The following AIG1 variants were observed in gnomAD, a reference collection of about 807,000 sequenced individuals.
AIG1 encodes the protein androgen induced 1.
Under a neutral mutation model 31.4 loss-of-function variants are expected in AIG1, and 23 were observed. That is an observed-to-expected ratio of 0.73 (90% CI 0.53 to 1.04). AIG1 has a LOEUF of 1.04. Among genes scored for constraint, AIG1 ranks in the 50% least tolerant of loss-of-function variants. The pLI is 0.00. For missense variants in AIG1, 274 were observed against 295.0 expected (o/e 0.93, Z 0.52); for synonymous variants, 100 against 110.5 (o/e 0.90, Z 0.60).
intron 3 of AIG1, among the ~76,000 whole-genome samples, chr6:143,221,272 C>A (rs960637424): frequency 1.3e-5 from 2 of 152,140 alleles, no homozygotes; most frequent in African/African-American, 4.8e-5. Flanking sequence ...TATATCCAGT[C>A]CCCCCTCCAA....
chr6:143,151,137 T>C (rs1320977961), intron 2 of AIG1, among the ~76,000 whole-genome samples: 2 of 152,168 alleles, frequency 1.3e-5, no homozygotes, highest in East Asian at 1.9e-4. Flanking sequence ...TAGATCATCA[T>C]AGGAAAATTT....
chr6:143,266,181 CT>C (rs771985252), intron 3 of AIG1, among the ~76,000 whole-genome samples: 3 of 152,024 alleles, frequency 2.0e-5, no homozygotes, highest in Non-Finnish European at 2.9e-5. Context: ...AACCCCATCT[CT>C]ACTAAAATAC....
chr6:143,343,109 C>T (rs1251600933), downstream of AIG1: 35 of 769,904 alleles, frequency 4.5e-5, no homozygotes, highest in Non-Finnish European at 8.5e-5. Context: ...GCTGTCCGCA[C>T]TAAGATCCCA....
intron 3 of AIG1, among the ~76,000 whole-genome samples, chr6:143,257,926 A>C (rs1165400937): frequency 1.3e-5 from 2 of 152,072 alleles, no homozygotes; most frequent in Non-Finnish European, 2.9e-5. Context: ...AAAGTTTGTC[A>C]CTTCCTGCCA....
chr6:143,230,197 C>T (rs1793340181), intron 3 of AIG1, among the ~76,000 whole-genome samples: 2 of 151,986 alleles, frequency 1.3e-5, no homozygotes, highest in Non-Finnish European at 1.5e-5. Flanking sequence ...TATGATATTG[C>T]TATTGATACA....
At position 143,327,795 on chromosome 6, in the gene AIG1, A is replaced by T. The variant is rs1439374845; in HGVS notation, c.516-5487A>T. 1 of 173,360 alleles carries T rather than the reference A, an allele frequency of 5.8e-6. No homozygotes were observed. 10.7% of individuals were successfully genotyped at this position (173,360 alleles called of 1,614,324 possible). A position where few individuals can be genotyped will look rare whatever the true frequency, so the allele number is the denominator to read the frequency against. On this transcript the variant is annotated intron_variant, in intron 4 of 5. Transcript: ENST00000357847. This position sits in a 1 kb window ranked among gnomAD's most constrained non-coding sequence, Gnocchi z 5.3. ...TTTGAGTTACAAAACTGAATGAATG[A>T]TAGTACTATTTGCAGAAATAAGAAA...
At chr6:143,180,414 C>T (rs1383910067) in intron 3 of AIG1, among the ~76,000 whole-genome samples, 1 of 152,196 alleles carries the variant, frequency 6.6e-6, no homozygotes, top group African/African-American at 2.4e-5. Flanking sequence ...CAAGGAGAAG[C>T]ACTGTCGTTA....
chr6:143,200,853 A>G (rs1247272959), intron 3 of AIG1, among the ~76,000 whole-genome samples: 1 of 151,362 alleles, frequency 6.6e-6, no homozygotes, highest in South Asian at 2.1e-4. Context: ...ATTTCTTCCT[A>G]CTCCACAGTT....
chr6:143,072,256 T>A (rs1777359053), intron 1 of AIG1, among the ~76,000 whole-genome samples: 1 of 152,216 alleles, frequency 6.6e-6, no homozygotes, highest in South Asian at 2.1e-4. Context: ...ATTTAATGTG[T>A]ATATTTTGAC....
At chr6:143,078,332 A>C (rs1209558649) in intron 1 of AIG1, among the ~76,000 whole-genome samples, 1 of 152,218 alleles carries the variant, frequency 6.6e-6, no homozygotes, top group African/African-American at 2.4e-5. Flanking sequence ...TCCTTGCCTG[A>C]TAATTCCACC....
rs184492767 is a variant in AIG1, at chr6:143,166,998, T to C, written c.399+1815T>C. ...TTACATTGTATAGCTTTTATAACAG[T>C]AAGTTAACAAAATGTAAGAGGAACA... On this transcript the variant is annotated intron_variant, in intron 3 of 5. Transcript: ENST00000357847. Among the ~76,000 whole-genome samples, 119 of 152,326 alleles carry C rather than the reference T, an allele frequency of 7.8e-4. 1 individual carries two copies. Among genetic ancestry groups the C allele is most frequent in the African/African-American group, 2.8e-3 (115 of 41,574 alleles).
At chr6:143,064,690 C>T (rs141401450) in intron 1 of AIG1, among the ~76,000 whole-genome samples, 1 of 152,290 alleles carries the variant, frequency 6.6e-6, no homozygotes, top group East Asian at 1.9e-4. Flanking sequence ...TAGTAGATAA[C>T]TGGTTAATTT....
At chr6:143,063,385 A>C (rs1479656880) in intron 1 of AIG1, among the ~76,000 whole-genome samples, 1 of 152,220 alleles carries the variant, frequency 6.6e-6, no homozygotes, top group Admixed American at 6.5e-5. Flanking sequence ...ATTGAAACAT[A>C]ATAATTATCT....
chr6:143,280,918 G>T lies in AIG1; in HGVS notation c.400-3192G>T, dbSNP rs964035563. Among the ~76,000 whole-genome samples the T allele has an allele frequency of 1.3e-5, 2 of 152,074 alleles. No homozygotes were observed. Among genetic ancestry groups the T allele is most frequent in the South Asian group, 2.1e-4 (1 of 4,824 alleles). On this transcript the variant is annotated intron_variant, in intron 3 of 5. Transcript: ENST00000357847. The surrounding 1 kb of genome is among the most constrained non-coding windows in gnomAD (Gnocchi z 4.1). ...TGACTTTATGCTAGCTAATGTTATT[G>T]TTTATTATTATTGATTGGATAATAT...
At chr6:143,308,522 CTT>C (rs1252951161) in intron 4 of AIG1, among the ~76,000 whole-genome samples, 4 of 152,172 alleles carry the variant, frequency 2.6e-5, no homozygotes, top group African/African-American at 9.7e-5. Context: ...CGTCACTTCT[CTT>C]TGATTGTGAA....
intron 3 of AIG1, among the ~76,000 whole-genome samples, chr6:143,184,913 C>T (rs1017974581): frequency 6.6e-6 from 1 of 152,068 alleles, no homozygotes; most frequent in Admixed American, 6.5e-5. Flanking sequence ...AATATTCAAT[C>T]TCGGCTGAGT....
At chr6:143,222,327 A>T (rs1006583529) in intron 3 of AIG1, among the ~76,000 whole-genome samples, 3 of 152,150 alleles carry the variant, frequency 2.0e-5, no homozygotes, top group Non-Finnish European at 4.4e-5. Flanking sequence ...AGCCATCAGT[A>T]ACTAATGGGG....
At chr6:143,200,242 A>G (rs1288286282) in intron 3 of AIG1, among the ~76,000 whole-genome samples, 4 of 152,214 alleles carry the variant, frequency 2.6e-5, no homozygotes, top group African/African-American at 4.8e-5. Flanking sequence ...CTGTAGGTAG[A>G]GTATGAGTTT....
chr6:143,075,366 G>A (rs1462346481), intron 1 of AIG1, among the ~76,000 whole-genome samples: 1 of 152,030 alleles, frequency 6.6e-6, no homozygotes, highest in East Asian at 1.9e-4. Flanking sequence ...CACCCAGGCT[G>A]GAGTGCAGCT....
Sources: gnomAD v4.1 joint callset for allele counts (sites outside exome capture counted in the v4.1 genomes callset) on GRCh38, gnomAD v4.1.1 for gene constraint, Gnocchi (gnomAD v3.1) non-coding constraint, MANE v1.5 for transcripts, NCBI Gene and HGNC (gene_info 2026-07-23, HGNC 2026-07-21) for gene names.